PHKA1: variants seen among roughly 807,000 people sequenced by gnomAD.
The protein encoded by PHKA1 is phosphorylase kinase regulatory subunit alpha 1, also known as phosphorylase b kinase regulatory subunit alpha, skeletal muscle isoform.
Under a neutral mutation model 110.2 loss-of-function variants are expected in PHKA1, and 60 were observed. The observed-to-expected ratio is 0.54, with a 90% confidence interval of 0.44 to 0.68. The LOEUF (loss-of-function observed/expected upper bound fraction) is 0.68. PHKA1 is among the 30% of genes least tolerant of loss of function. The pLI is 0.00. For synonymous variants in PHKA1, 316 were observed against 333.6 expected, an observed-to-expected ratio of 0.95 and a Z score of 0.58; for missense variants, 801 against 942.5, an observed-to-expected ratio of 0.85 and a Z score of 1.97.
rs1556279917 is a variant in PHKA1 at position 72,623,124 on chromosome X, C to G, written c.1945G>C (p.Asp649His). 11 of 1,210,805 alleles carry G rather than the reference C, an allele frequency of 9.1e-6. No homozygotes were observed. The highest frequency in any genetic ancestry group is 8.9e-6 in the Non-Finnish European group (8 of 894,863). Reference protein sequence around the residue: ...LESGNWMNDYDSTSHARCGDE... With the variant: ...LESGNWMNDYHSTSHARCGDE... The stretch of plus-strand genomic sequence containing the variant: ...GCCTCCTTACCATGACTGGTTGAAT[C>G]ATAATCATTCATCCAGTTGCCAGAT... The change falls in exon 18 of 32, where the codon GAT becomes CAT. Residue 649 changes from aspartate to histidine, a missense_variant. Asp to His is a moderately conservative substitution (Grantham distance 81). Coordinates refer to ENST00000373542, the MANE Select transcript of PHKA1 (RefSeq NM_002637.4).
At chrX:72,653,329 G>A in intron 11 of PHKA1, 106 bp downstream of exon 11, 1 of 551,894 alleles carries the variant, frequency 1.8e-6, no homozygotes, top group Non-Finnish European at 3.2e-6. Flanking sequence ...CAAGCTTTCA[G>A]AACAACAAAA....
intron 28 of PHKA1, among the ~76,000 whole-genome samples, chrX:72,598,954 C>CT (rs2052624836): frequency 1.8e-5 from 2 of 111,236 alleles, no homozygotes; most frequent in South Asian, 7.8e-4. Context: ...AGATGAACTG[C>CT]CATTTAATTA....
intron 5 of PHKA1, among the ~76,000 whole-genome samples, chrX:72,680,299 C>A (rs933422231): frequency 5.3e-5 from 6 of 112,265 alleles, no homozygotes; most frequent in African/African-American, 9.7e-5. Flanking sequence ...CAGGCATGAG[C>A]CACCATGCCC....
intron 4 of PHKA1, among the ~76,000 whole-genome samples, chrX:72,693,253 C>G (rs2054063249): frequency 8.9e-6 from 1 of 112,030 alleles, no homozygotes; most frequent in Non-Finnish European, 1.9e-5. Context: ...GAAAAATGTT[C>G]CATGTGCCAT....
At chrX:72,675,011 C>G (rs374891184) in intron 6 of PHKA1, among the ~76,000 whole-genome samples, 334 of 104,906 alleles carry the variant, frequency 3.2e-3, no homozygotes, top group Non-Finnish European at 5.4e-3. Flanking sequence ...TGGCAAAACC[C>G]TGTCTCTACT....
At chrX:72,655,005 G>A (rs2053474945) in intron 10 of PHKA1, among the ~76,000 whole-genome samples, 2 of 109,761 alleles carry the variant, frequency 1.8e-5, no homozygotes, top group South Asian at 7.8e-4. Flanking sequence ...CACCGTTTTA[G>A]CCGGGATGGT....
At chrX:72,657,478 C>T (rs1300607744) in intron 9 of PHKA1, 110 bp downstream of exon 9, 3 of 563,371 alleles carry the variant, frequency 5.3e-6, no homozygotes, top group Non-Finnish European at 9.1e-6. Flanking sequence ...CATTATCCTA[C>T]TTAGTGATCT....
At chrX:72,614,311 G>A (rs1556265459) in intron 21 of PHKA1, among the ~76,000 whole-genome samples, 1 of 111,553 alleles carries the variant, frequency 9.0e-6, no homozygotes, top group Non-Finnish European at 1.9e-5. Flanking sequence ...GAGATTAAAA[G>A]CTCAGTGGAA....
At chrX:72,614,877 T>C (rs1389895484) in intron 21 of PHKA1, among the ~76,000 whole-genome samples, 2 of 111,410 alleles carry the variant, frequency 1.8e-5, no homozygotes, top group East Asian at 5.6e-4. Context: ...AGTAGGTTTG[T>C]AGTAAAGACA....
intron 16 of PHKA1, among the ~76,000 whole-genome samples, chrX:72,631,678 C>T (rs1240982445): frequency 9.1e-6 from 1 of 109,849 alleles, no homozygotes; most frequent in African/African-American, 3.3e-5. Context: ...ATATAAGGCC[C>T]AGGATATTTA....
At chrX:72,632,688 A>G (rs782671531) in intron 16 of PHKA1, among the ~76,000 whole-genome samples, 9 of 111,720 alleles carry the variant, frequency 8.1e-5, no homozygotes, top group Non-Finnish European at 1.3e-4. Flanking sequence ...ACTAATGTTT[A>G]TTCTCTTTTC....
intron 5 of PHKA1, among the ~76,000 whole-genome samples, chrX:72,678,466 C>T (rs1406729633): frequency 2.7e-5 from 3 of 112,066 alleles, no homozygotes; most frequent in African/African-American, 9.7e-5. Context: ...GTCCCCCAAT[C>T]CAGCTCCATT....
intron 8 of PHKA1, among the ~76,000 whole-genome samples, chrX:72,658,717 T>C (rs192677566): frequency 9.0e-6 from 1 of 111,696 alleles, no homozygotes; most frequent in East Asian, 2.8e-4. Flanking sequence ...TTGTTTGATG[T>C]TTTCTCATGA....
In PHKA1 at chrX:72,602,195, C is replaced by T. The variant is rs782148319; in HGVS notation, c.2996G>A (p.Arg999Gln). 3 of 1,203,523 alleles carry T rather than the reference C, an allele frequency of 2.5e-6. No homozygotes were observed. Among genetic ancestry groups the T allele is most frequent in the Non-Finnish European group, 2.2e-6 (2 of 889,887 alleles). ...ACTTTTTAACTGCATGATCCCAGTTCGTTCTGTTTTGGTTGCTCCAACAGC... is the reference window on the plus strand; with the variant it reads ...ACTTTTTAACTGCATGATCCCAGTTTGTTCTGTTTTGGTTGCTCCAACAGC... ...IGAVGATKTE[R>Q]TGIMQLKSEI... Residue 999 changes from arginine (R) to glutamine (Q), a missense_variant, in exon 27 of 32, where the codon CGA becomes CAA. By Grantham distance (43) the Arg-to-Gln change is conservative (BLOSUM62 1). Coordinates refer to ENST00000373542, the MANE Select transcript of PHKA1 (RefSeq NM_002637.4).
At chrX:72,662,142 G>A (rs1921611385) in intron 8 of PHKA1, among the ~76,000 whole-genome samples, 1 of 112,195 alleles carries the variant, frequency 8.9e-6, no homozygotes, top group Non-Finnish European at 1.9e-5. Context: ...CCAGTTTGGG[G>A]AGCTGCCTAG....
chrX:72,656,355 G>T, intron 9 of PHKA1, 113 bp from the exon 10 acceptor site: 1 of 793,200 alleles, frequency 1.3e-6, no homozygotes, highest in Non-Finnish European at 1.9e-6. Flanking sequence ...AAGGTGTTCA[G>T]GAAGCAGAGC....
rs1036104976 is a variant in PHKA1 at position 72,628,108 on chromosome X, C to T, written c.1715-1059G>A. On this transcript the variant is annotated intron_variant, in intron 16 of 31. Transcript: ENST00000373542. ...CCTCCCACAGTGCTGGGATTACAGG[C>T]GTGAGCCACCGCGCCAGGCCTTTCC... Among the ~76,000 whole-genome samples the T allele has an allele frequency of 9.7e-4, 107 of 110,854 alleles. 1 individual carries two copies. Among genetic ancestry groups the T allele is most frequent in the African/African-American group, 3.3e-3 (102 of 30,489 alleles).
intron 8 of PHKA1, 59 bp downstream of exon 8, chrX:72,666,092 G>A: frequency 1.1e-5 from 12 of 1,138,713 alleles, no homozygotes; most frequent in Non-Finnish European, 1.4e-5. Flanking sequence ...GGCCCCCAAA[G>A]GCACAATTTA....
chrX:72,670,425 G>T (rs1466340743), intron 6 of PHKA1, among the ~76,000 whole-genome samples: 1 of 111,473 alleles, frequency 9.0e-6, no homozygotes, highest in Non-Finnish European at 1.9e-5. Context: ...ATTGCTTTTG[G>T]TGTTTTAGAC....
Sources: allele counts gnomAD v4.1 joint callset (sites outside exome capture counted in the v4.1 genomes callset), GRCh38; gene constraint gnomAD v4.1.1; transcripts MANE v1.5; gene names NCBI Gene and HGNC (gene_info 2026-07-23, HGNC 2026-07-21).